UACA: variants seen among roughly 807,000 people sequenced by gnomAD.
UACA encodes the protein uveal autoantigen with coiled-coil domains and ankyrin repeats.
Under a neutral mutation model 160.5 loss-of-function variants are expected in UACA, and 112 were observed. That is an observed-to-expected ratio of 0.70 (90% CI 0.60 to 0.82). UACA has a LOEUF of 0.82. UACA is among the 40% of genes least tolerant of loss of function. The pLI, the probability that UACA is intolerant of heterozygous loss-of-function variation, is 0.00. For missense variants in UACA, 1,574 were observed against 1,614.6 expected, an observed-to-expected ratio of 0.97 and a Z score of 0.43; for synonymous variants, 557 against 568.4, an observed-to-expected ratio of 0.98 and a Z score of 0.29.
chr15:70,689,471 A>G (rs1012159928), intron 5 of UACA, among the ~76,000 whole-genome samples: 4 of 152,180 alleles, frequency 2.6e-5, no homozygotes, highest in Non-Finnish European at 4.4e-5. Flanking sequence ...TGCTTTGCAA[A>G]TACAGTAATA....
At chr15:70,765,090 C>A (rs1489320167), upstream of UACA, among the ~76,000 whole-genome samples, 2 of 152,194 alleles carry the variant, frequency 1.3e-5, no homozygotes, top group African/African-American at 2.4e-5. Flanking sequence ...GTGGACGCGA[C>A]CCTGTTCTCT....
At position 70,690,474 on chromosome 15, in the gene UACA, C is replaced by T; in HGVS notation, c.404G>A (p.Arg135Lys). The change falls in exon 5 of 19, where the codon AGA becomes AAA. Residue 135 changes from arginine to lysine, a missense_variant. Transcript: ENST00000322954. Reference protein sequence around the residue: ...CPTEHADLQGRTALHDAAMAD... With the variant: ...CPTEHADLQGKTALHDAAMAD... ...CTCACCGGCATCGTGAAGTGCAGTT[C>T]TTCCCTGCAGGTCTGCATGCTCAGT... 6.2e-7 allele frequency: 1 copy of T among 1,612,944 alleles called. No homozygotes were observed. Among genetic ancestry groups the T allele is most frequent in the Non-Finnish European group, 8.5e-7 (1 of 1,179,454 alleles).
In UACA at chr15:70,763,517, C is replaced by T; in HGVS notation, c.-110G>A. ...GAGGCGGCGCGGGCTGTACCAGCCC[C>T]ACCTGCCTGCCACCTGCGGGCCCCG... On this transcript the variant is annotated 5_prime_UTR_variant, in exon 1 of 19. Coordinates refer to ENST00000322954, the MANE Select transcript of UACA (RefSeq NM_018003.4). The T allele has an allele frequency of 1.6e-6, 2 of 1,247,788 alleles. No homozygotes were observed. Among genetic ancestry groups the T allele is most frequent in the Non-Finnish European group, 1.0e-6 (1 of 990,834 alleles). 77.3% of individuals were successfully genotyped at this position (1,247,788 alleles called of 1,614,324 possible).
chr15:70,707,407 C>A (rs1289379614), intron 1 of UACA, among the ~76,000 whole-genome samples: 1 of 151,978 alleles, frequency 6.6e-6, no homozygotes, highest in Non-Finnish European at 1.5e-5. Flanking sequence ...AGCTCAGCTA[C>A]AAAAGCAAAA....
chr15:70,766,987 TCC>T (rs2141024384), upstream of UACA, among the ~76,000 whole-genome samples: 1 of 152,108 alleles, frequency 6.6e-6, no homozygotes, highest in African/African-American at 2.4e-5. Context: ...ACACCTGTAA[TCC>T]CAGCACTTTG....
chr15:70,738,041 T>C (rs533877041), intron 1 of UACA, among the ~76,000 whole-genome samples: 4 of 152,356 alleles, frequency 2.6e-5, no homozygotes, highest in South Asian at 4.1e-4. Flanking sequence ...GAGGGGAAGA[T>C]GAATTTTTAA....
At chr15:70,664,513 A>G in intron 17 of UACA, 149 bp downstream of exon 17, 1 of 855,494 alleles carries the variant, frequency 1.2e-6, no homozygotes. Flanking sequence ...TTACACCACC[A>G]GTATAGGTAA....
intron 1 of UACA, among the ~76,000 whole-genome samples, chr15:70,719,649 G>C (rs753551274): frequency 6.6e-6 from 1 of 152,122 alleles, no homozygotes; most frequent in Non-Finnish European, 1.5e-5. Flanking sequence ...TTTTCTATAG[G>C]CAAGAAGTGG....
At chr15:70,673,028 G>A (rs778107035) in intron 13 of UACA, among the ~76,000 whole-genome samples, 6 of 152,162 alleles carry the variant, frequency 3.9e-5, no homozygotes, top group Non-Finnish European at 7.4e-5. Context: ...CCTGGGAGGC[G>A]GAGGTTGCAG....
chr15:70,762,577 G>A (rs1595931208), intron 1 of UACA, among the ~76,000 whole-genome samples: 1 of 152,190 alleles, frequency 6.6e-6, no homozygotes, highest in African/African-American at 2.4e-5. Context: ...TCCTTGGCGC[G>A]CACACTGAGG....
chr15:70,709,461 A>C (rs540444086), intron 1 of UACA, among the ~76,000 whole-genome samples: 85 of 152,372 alleles, frequency 5.6e-4, no homozygotes, highest in African/African-American at 2.0e-3. Context: ...TCTCATATTA[A>C]TATCAATTAG....
At chr15:70,735,988 T>G (rs1432400918) in intron 1 of UACA, among the ~76,000 whole-genome samples, 1 of 152,176 alleles carries the variant, frequency 6.6e-6, no homozygotes, top group Non-Finnish European at 1.5e-5. Context: ...AAACAAAGAT[T>G]TTTAAAAAAG....
chr15:70,762,263 CA>C (rs1174364252), intron 1 of UACA, among the ~76,000 whole-genome samples: 1 of 152,046 alleles, frequency 6.6e-6, no homozygotes, highest in Non-Finnish European at 1.5e-5. Flanking sequence ...TGAATTAACT[CA>C]AAAAAGCAGA....
chr15:70,752,257 AAC>A (rs1300075566), intron 1 of UACA, among the ~76,000 whole-genome samples: 2 of 143,940 alleles, frequency 1.4e-5, no homozygotes, highest in African/African-American at 5.4e-5. Context: ...AAAAAAAAAA[AAC>A]TTCTCACGTG....
chr15:70,699,431 A>G, intron 2 of UACA, 96 bp downstream of exon 2: 1 of 1,399,844 alleles, frequency 7.1e-7, no homozygotes, highest in Admixed American at 2.2e-5. Context: ...GAATTTCTTA[A>G]TAAGTAAGTT....
chr15:70,699,623 A>G lies in UACA; in HGVS notation c.116T>C (p.Met39Thr). The G allele has an allele frequency of 1.9e-6, 3 of 1,611,456 alleles. No homozygotes were observed. Among genetic ancestry groups the G allele is most frequent in the Non-Finnish European group, 2.5e-6 (3 of 1,179,350 alleles). Residue 39 changes from methionine to threonine, a missense_variant, in exon 2 of 19, where the codon ATG becomes ACG. Transcript: ENST00000322954. ...ADWNKYDDRLMKAAERGDVEK... is the reference protein window; with the variant it reads ...ADWNKYDDRLTKAAERGDVEK... ...TACATCCCCCCTTTCTGCTGCTTTCATCAATCGGTCATCATATTTATTCCA... is the reference window on the plus strand; with the variant it reads ...TACATCCCCCCTTTCTGCTGCTTTCGTCAATCGGTCATCATATTTATTCCA...
At chr15:70,699,271 C>CA (rs1345137021) in intron 2 of UACA, among the ~76,000 whole-genome samples, 2 of 152,010 alleles carry the variant, frequency 1.3e-5, no homozygotes, top group African/African-American at 4.8e-5. Context: ...GAAAATGCAC[C>CA]AAATAACCAC....
intron 1 of UACA, among the ~76,000 whole-genome samples, chr15:70,744,839 T>G (rs1161870856): frequency 6.9e-6 from 1 of 145,896 alleles, no homozygotes; most frequent in Non-Finnish European, 1.5e-5. Flanking sequence ...TTCTGCCTAC[T>G]GGTATTAACC....
chr15:70,766,221 T>C (rs1163539902), upstream of UACA, among the ~76,000 whole-genome samples: 2 of 152,250 alleles, frequency 1.3e-5, no homozygotes, highest in African/African-American at 4.8e-5. Context: ...AGCACTGGTC[T>C]GAATATTCAG....
Sources: gnomAD v4.1 joint callset for allele counts (sites outside exome capture counted in the v4.1 genomes callset) on GRCh38, gnomAD v4.1.1 for gene constraint, MANE v1.5 for transcripts, NCBI Gene and HGNC (gene_info 2026-07-23, HGNC 2026-07-21) for gene names.